Variants in HMCN2 observed in about 807,000 individuals in gnomAD.
The protein encoded by HMCN2 is hemicentin 2, also known as hemicentin-2.
HMCN2 carries 325 observed loss-of-function variants against 377.5 expected under a neutral mutation model. The ratio of observed to expected loss-of-function variants is 0.86; its 90% CI spans 0.79 to 0.94. HMCN2 has a LOEUF of 0.94. Ranked by LOEUF, HMCN2 falls within the 40% of genes least tolerant of loss-of-function variation. HMCN2 has a pLI of 0.00. For missense variants in HMCN2, 4,543 were observed against 4,725.3 expected, an observed-to-expected ratio of 0.96 and a Z score of 1.13; for synonymous variants, 2,007 against 2,046.8, an observed-to-expected ratio of 0.98 and a Z score of 0.53.
intron 52 of HMCN2, among the ~76,000 whole-genome samples, chr9:130,377,444 A>C (rs1358114865): frequency 2.0e-5 from 3 of 152,136 alleles, no homozygotes; most frequent in Non-Finnish European, 2.9e-5. Flanking sequence ...CTCTTTGTAA[A>C]CTTTAAACTC....
At chr9:130,315,055 C>T (rs1837457836) in intron 15 of HMCN2, among the ~76,000 whole-genome samples, 1 of 152,030 alleles carries the variant, frequency 6.6e-6, no homozygotes, top group African/African-American at 2.4e-5. Flanking sequence ...GCCTGACCAG[C>T]TGGGTCTGTG....
At chr9:130,266,842 C>T (rs1204676275) in intron 1 of HMCN2, among the ~76,000 whole-genome samples, 2 of 152,210 alleles carry the variant, frequency 1.3e-5, no homozygotes, top group East Asian at 1.9e-4. Flanking sequence ...GTGTTAGGGG[C>T]GCCCTTGAAA....
intron 22 of HMCN2, among the ~76,000 whole-genome samples, chr9:130,334,345 G>A (rs900406538): frequency 2.0e-5 from 3 of 152,146 alleles, no homozygotes; most frequent in South Asian, 2.1e-4. Context: ...GATGTGGCCA[G>A]TTTGGCATTT....
intron 4 of HMCN2, among the ~76,000 whole-genome samples, chr9:130,291,503 C>T (rs1835765059): frequency 6.6e-6 from 1 of 152,178 alleles, no homozygotes; most frequent in Non-Finnish European, 1.5e-5. Flanking sequence ...AGCCACAGTG[C>T]CCGGTCGCAT....
At position 130,432,443 on chromosome 9, in the gene HMCN2, G is replaced by C. The variant is rs201172679; in HGVS notation, c.14782G>C (p.Glu4928Gln). 6.4e-6 allele frequency: 10 copies of C among 1,551,048 alleles called. No homozygotes were observed. Among genetic ancestry groups the C allele is most frequent in the Non-Finnish European group, 7.0e-6 (8 of 1,147,102 alleles). The change falls in exon 97 of 98, where the codon GAG (glutamate) becomes CAG (glutamine). Residue 4928 changes from glutamate to glutamine, a missense_variant. Around this residue, in one of 5 missense-constraint regions of HMCN2, gnomAD observed 1,155 missense variants for 1,157.7 expected, o/e 1.00. Transcript: ENST00000683500. ...GKNCQDINEC[E>Q]EESIECGPGQ... Reference sequence around the variant, plus strand: ...TCCCCATCCAGACATCAACGAGTGCGAGGAGGAGAGCATCGAGTGTGGACC... The same window carrying C: ...TCCCCATCCAGACATCAACGAGTGCCAGGAGGAGAGCATCGAGTGTGGACC...
Position 130,354,841 on chromosome 9 carries a change from G to A in HMCN2, c.4943G>A (p.Cys1648Tyr), listed in dbSNP as rs1839935680. 1 of 1,304,272 alleles carries A rather than the reference G, an allele frequency of 7.7e-7. No homozygotes were observed. The highest frequency in any genetic ancestry group is 1.5e-5 in the African/African-American group (1 of 66,008). 80.8% of individuals were successfully genotyped at this position (1,304,272 alleles called of 1,614,324 possible). Residue 1648 changes from cysteine to tyrosine, a missense_variant, in exon 32 of 98, where the codon TGC becomes TAC. Transcript: ENST00000683500. ...AVAGRPVALECVARGHPSPTL... is the reference protein window; with the variant it reads ...AVAGRPVALEYVARGHPSPTL... ...GCTGGGAGGCCTGTGGCGCTGGAGTGCGTGGCCAGAGGCCACCCGTCCCCC... is the reference window on the plus strand; with the variant it reads ...GCTGGGAGGCCTGTGGCGCTGGAGTACGTGGCCAGAGGCCACCCGTCCCCC...
chr9:130,292,977 T>C (rs202230276), intron 4 of HMCN2, among the ~76,000 whole-genome samples: 5 of 141,714 alleles, frequency 3.5e-5, no homozygotes, highest in South Asian at 2.3e-4. Context: ...TATCTATCTA[T>C]CTATCTATCT....
intron 19 of HMCN2, among the ~76,000 whole-genome samples, chr9:130,324,486 A>T (rs1406596392): frequency 6.6e-6 from 1 of 152,016 alleles, no homozygotes; most frequent in Admixed American, 6.6e-5. Flanking sequence ...ATCCCCCACC[A>T]GGGCGGCCCG....
rs1215426849 is a variant in HMCN2 at position 130,313,774 on chromosome 9, C to CTTT, written c.2350+3734_2350+3736dup. On this transcript the variant is annotated intron_variant, in intron 15 of 97. Coordinates refer to ENST00000683500, the MANE Select transcript of HMCN2 (RefSeq NM_001291815.2). ...TCCTCTCTAAATGAATGTGTGTCCT[C>CTTT]TTTTTTTTTTTTTTTTTTTTTTTGA... 7.0e-3 allele frequency among the ~76,000 whole-genome samples: 574 copies of CTTT among 81,534 alleles called. 6 individuals are homozygous for CTTT. The highest frequency in any genetic ancestry group is 0.032 in the East Asian group (81 of 2,494). 53.5% of individuals were successfully genotyped at this position (81,534 alleles called of 152,430 possible). A position where few individuals can be genotyped will look rare whatever the true frequency, so the allele number is the denominator to read the frequency against.
At chr9:130,420,927 T>C (rs1843970499) in intron 86 of HMCN2, among the ~76,000 whole-genome samples, 1 of 152,084 alleles carries the variant, frequency 6.6e-6, no homozygotes, top group Non-Finnish European at 1.5e-5. Context: ...TAGAAACAAA[T>C]ATTCTTCCTT....
At position 130,312,811 on chromosome 9, in the gene HMCN2, G is replaced by A. The variant is rs951670265; in HGVS notation, c.2350+2750G>A. Among the ~76,000 whole-genome samples, 6 of 151,110 alleles carry A rather than the reference G, an allele frequency of 4.0e-5. No individual in the cohort carries two copies. In the Admixed American group the frequency reaches 4.0e-4, roughly 10 times the overall value. On this transcript the variant is annotated intron_variant, in intron 15 of 97. Coordinates refer to ENST00000683500, the MANE Select transcript of HMCN2 (RefSeq NM_001291815.2). ...CTCCTGAGTAGCTGGGATTAGAGGC[G>A]TGCGTCACCATGCCCAGCTAATTTT...
Position 130,306,847 on chromosome 9 carries a change from G to A in HMCN2, c.1995G>A (p.Gln665=). 2.1e-6 allele frequency: 1 copy of A among 470,934 alleles called. No homozygotes were observed. Among genetic ancestry groups the A allele is most frequent in the South Asian group, 1.5e-5 (1 of 64,532 alleles). 29.2% of individuals were successfully genotyped at this position (470,934 alleles called of 1,614,324 possible). A position where few individuals can be genotyped will look rare whatever the true frequency, so the allele number is the denominator to read the frequency against. Residue 665 remains glutamine (Q), a synonymous_variant, in exon 13 of 98, where the codon CAG becomes CAA. Transcript: ENST00000683500. ...HVDAQGTLII[Q]GVAPEDAGNY... is the part of the protein sequence containing the mutation. The stretch of plus-strand genomic sequence containing the variant: ...ACGCACAGGGAACCCTGATTATTCA[G>A]GGGGTAGCCCCAGAGGATGCTGGGA...
At chr9:130,313,428 C>T (rs894774551) in intron 15 of HMCN2, among the ~76,000 whole-genome samples, 13 of 152,228 alleles carry the variant, frequency 8.5e-5, no homozygotes, top group Admixed American at 6.5e-4. Context: ...GTCCTAGGCT[C>T]CATGCCCAGG....
Position 130,422,635 on chromosome 9 carries a change from C to T in HMCN2, c.13290C>T (p.Gly4430=), listed in dbSNP as rs950152497. The change falls in exon 87 of 98, where the codon GGC becomes GGT. Residue 4430 remains glycine (G), a synonymous_variant. Transcript: ENST00000683500. This position sits in a 1 kb window ranked among gnomAD's most constrained non-coding sequence, Gnocchi z 4.2. The part of the protein sequence containing the change: ...MTGVINGRKF[G]VATLNTSVMQ... ...GGGTGATAAATGGCCGGAAATTTGGCGTGGCCACACTCAACACCAGCGTGA... is the reference window on the plus strand; with the variant it reads ...GGGTGATAAATGGCCGGAAATTTGGTGTGGCCACACTCAACACCAGCGTGA... The T allele has an allele frequency of 3.3e-5, 44 of 1,327,628 alleles. No homozygotes were observed. The highest frequency in any genetic ancestry group is 3.9e-5 in the Admixed American group (1 of 25,638). 82.2% of individuals were successfully genotyped at this position (1,327,628 alleles called of 1,614,324 possible).
rs552717331 is a variant in HMCN2 at position 130,392,037 on chromosome 9, T to G, written c.10055T>G (p.Ile3352Ser). The G allele has an allele frequency of 2.0e-6, 2 of 988,368 alleles. No individual in the cohort carries two copies. The highest frequency in any genetic ancestry group is 2.3e-4 in the East Asian group (2 of 8,804). 61.2% of individuals were successfully genotyped at this position (988,368 alleles called of 1,614,324 possible). The change falls in exon 66 of 98, where the codon ATC (isoleucine) becomes AGC (serine). Residue 3352 changes from isoleucine (I) to serine (S), a missense_variant. Transcript: ENST00000683500. ...TGCCCTGTGCGGGGCTCCCCGCCCATCCACGTGAGCTGGCTCAAGGACGGC... is the reference window on the plus strand; with the variant it reads ...TGCCCTGTGCGGGGCTCCCCGCCCAGCCACGTGAGCTGGCTCAAGGACGGC... ...MVCPVRGSPP[I>S]HVSWLKDGLP... is the part of the protein sequence containing the mutation.
intron 25 of HMCN2, among the ~76,000 whole-genome samples, chr9:130,343,000 C>T (rs936596426): frequency 3.9e-5 from 6 of 152,212 alleles, no homozygotes; most frequent in East Asian, 1.9e-4. Context: ...TATCTCCTTT[C>T]GAGCATCAGT....
At chr9:130,325,003 T>G (rs1012333964) in intron 19 of HMCN2, among the ~76,000 whole-genome samples, 1 of 151,912 alleles carries the variant, frequency 6.6e-6, no homozygotes, top group Non-Finnish European at 1.5e-5. Context: ...TTCACTGCCC[T>G]AAAAATCCTC....
Position 130,427,382 on chromosome 9 carries a change from G to T in HMCN2, c.13942+7G>T, listed in dbSNP as rs549520869. Reference sequence around the variant, plus strand: ...CAGGGAGCGTTTTGTGTGGGTGAGCGCCCCCAACCCTGGCATGGATGTGGG... The same window carrying T: ...CAGGGAGCGTTTTGTGTGGGTGAGCTCCCCCAACCCTGGCATGGATGTGGG... On this transcript the variant is annotated splice_region_variant and intron_variant, in intron 91 of 97. Coordinates refer to ENST00000683500, the MANE Select transcript of HMCN2 (RefSeq NM_001291815.2). 2 of 1,550,552 alleles carry T rather than the reference G, an allele frequency of 1.3e-6. No individual in the cohort carries two copies. Among genetic ancestry groups the T allele is most frequent in the South Asian group, 2.4e-5 (2 of 84,060 alleles).
intron 53 of HMCN2, among the ~76,000 whole-genome samples, chr9:130,378,909 G>A (rs923069663): frequency 6.6e-6 from 1 of 152,126 alleles, no homozygotes; most frequent in African/African-American, 2.4e-5. Context: ...TTCTAAAGCT[G>A]ATGATTTTGT....
Sources: gnomAD v4.1 joint callset for allele counts (sites outside exome capture counted in the v4.1 genomes callset) on GRCh38, gnomAD v4.1.1 for gene constraint, gnomAD v4.1.1 regional missense constraint, Gnocchi (gnomAD v3.1) non-coding constraint, MANE v1.5 for transcripts, NCBI Gene and HGNC (gene_info 2026-07-23, HGNC 2026-07-21) for gene names.